The following PCDHGA2 variants were observed in gnomAD, a reference collection of about 807,000 sequenced individuals.
PCDHGA2 encodes protocadherin gamma subfamily A, 2, also known as protocadherin gamma-A2.
A neutral mutation model predicts 59.2 loss-of-function variants in PCDHGA2; 40 were observed. The ratio of observed to expected loss-of-function variants is 0.68; its 90% CI spans 0.52 to 0.88. The LOEUF (loss-of-function observed/expected upper bound fraction) is 0.88. Among genes scored for constraint, PCDHGA2 ranks in the 40% least tolerant of loss-of-function variants. The pLI is 0.00. For missense variants in PCDHGA2, 1,226 were observed against 1,204.0 expected, an observed-to-expected ratio of 1.02 and a Z score of -0.27; for synonymous variants, 560 against 526.0, an observed-to-expected ratio of 1.06 and a Z score of -0.89.
chr5:141,361,994 G>T, intron 1 of PCDHGA2: 6 of 1,602,934 alleles, frequency 3.7e-6, no homozygotes, highest in Non-Finnish European at 5.1e-6. Flanking sequence ...TTCAGCCTGG[G>T]GTTGCGCACG....
intron 1 of PCDHGA2, chr5:141,414,754 G>A: frequency 6.2e-7 from 1 of 1,614,190 alleles, no homozygotes; most frequent in Non-Finnish European, 8.5e-7. Flanking sequence ...CTTCGACTAT[G>A]AGCAGTTTCA....
At chr5:141,469,372 C>A (rs780872014) in intron 1 of PCDHGA2, among the ~76,000 whole-genome samples, 1 of 151,990 alleles carries the variant, frequency 6.6e-6, no homozygotes, top group East Asian at 1.9e-4. Context: ...GTAAAGAGAT[C>A]GAGACCATCC....
chr5:141,393,110 C>T, intron 1 of PCDHGA2: 10 of 1,613,496 alleles, frequency 6.2e-6, no homozygotes, highest in Non-Finnish European at 8.5e-6. Flanking sequence ...GCGCTCAGAG[C>T]CCGCGGTGTC....
intron 1 of PCDHGA2, chr5:141,397,974 C>T: frequency 1.7e-6 from 2 of 1,174,456 alleles, no homozygotes; most frequent in Non-Finnish European, 1.2e-6. Context: ...TCCCCAGCGC[C>T]GGCCTTTACA....
intron 1 of PCDHGA2, chr5:141,414,589 G>T: frequency 1.2e-6 from 2 of 1,613,834 alleles, no homozygotes; most frequent in African/African-American, 2.7e-5. Flanking sequence ...CAACGCCAGG[G>T]GTGCCTCCAT....
At chr5:141,364,382 A>G (rs745604333) in intron 1 of PCDHGA2, 3 of 1,582,176 alleles carry the variant, frequency 1.9e-6, no homozygotes, top group South Asian at 2.3e-5. Flanking sequence ...GCTGCCCTTC[A>G]TGCTCCTGGG....
rs567061101 is a variant in PCDHGA2 at position 141,432,791 on chromosome 5, C to T, written c.2425-62016C>T. The T allele has an allele frequency of 2.7e-5, 44 of 1,614,064 alleles. No homozygotes were observed. Among genetic ancestry groups the T allele is most frequent in the Admixed American group, 8.3e-5 (5 of 60,034 alleles). On this transcript the variant is annotated intron_variant, in intron 1 of 3. Coordinates refer to ENST00000394576, the MANE Select transcript of PCDHGA2 (RefSeq NM_018915.4). The surrounding 1 kb of genome is among the most constrained non-coding windows in gnomAD (Gnocchi z 6.0). ...CCAAGTCCTGGCGGACCTCGGCAGC[C>T]TCGAGTCTCCAGCTAACTCTGAAAC... is the stretch of plus-strand genomic sequence containing the variant.
intron 1 of PCDHGA2, among the ~76,000 whole-genome samples, chr5:141,348,137 A>C (rs1000544718): frequency 2.0e-5 from 3 of 152,268 alleles, no homozygotes; most frequent in Admixed American, 6.5e-5. Flanking sequence ...TCATGAAATC[A>C]TATGAGAGTT....
chr5:141,408,240 C>T (rs1012868761), intron 1 of PCDHGA2: 89 of 1,578,820 alleles, frequency 5.6e-5, no homozygotes, highest in Non-Finnish European at 7.3e-5. Context: ...CGGGCCGGCC[C>T]GCGGCAGGTG....
rs1187459113 is a variant in PCDHGA2 at position 141,487,187 on chromosome 5, G to A, written c.2425-7620G>A. On this transcript the variant is annotated intron_variant, in intron 1 of 3. Coordinates refer to ENST00000394576, the MANE Select transcript of PCDHGA2 (RefSeq NM_018915.4). This position sits in a 1 kb window ranked among gnomAD's most constrained non-coding sequence, Gnocchi z 5.0. The stretch of plus-strand genomic sequence containing the variant: ...GTCCTTAGAGGAAGACACTCATCCA[G>A]TTGTCCCAGATCTTCGAGAATCTTC... 1.2e-6 allele frequency: 2 copies of A among 1,613,826 alleles called. No homozygotes were observed. Among genetic ancestry groups the A allele is most frequent in the Admixed American group, 3.3e-5 (2 of 60,024 alleles).
In PCDHGA2 at chr5:141,418,608, GC is replaced by G. The variant is rs1422456031; in HGVS notation, c.2425-76197del. On this transcript the variant is annotated intron_variant, in intron 1 of 3. Transcript: ENST00000394576. Reference sequence around the variant, plus strand: ...TTCAGCCAGGACGTGTACAGGGTTAGCCTTCGGGAAGACGTGCCTCCAGGCA... The same window carrying G: ...TTCAGCCAGGACGTGTACAGGGTTAGCTTCGGGAAGACGTGCCTCCAGGCA... 4 of 1,613,922 alleles carry G rather than the reference GC, an allele frequency of 2.5e-6. No individual in the cohort carries two copies. In the African/African-American group the frequency reaches 5.3e-5, roughly 22 times the overall value.
At chr5:141,459,763 G>A (rs1243169814) in intron 1 of PCDHGA2, among the ~76,000 whole-genome samples, 1 of 152,206 alleles carries the variant, frequency 6.6e-6, no homozygotes, top group South Asian at 2.1e-4. Context: ...GTGGGTGTGT[G>A]ATACTATCTC....
At chr5:141,352,741 G>A in intron 1 of PCDHGA2, 1 of 1,473,692 alleles carries the variant, frequency 6.8e-7, no homozygotes. Flanking sequence ...TGTAATCCCA[G>A]CACTTAACCA....
At chr5:141,408,450 A>C in intron 1 of PCDHGA2, 1 of 1,613,944 alleles carries the variant, frequency 6.2e-7, no homozygotes, top group Non-Finnish European at 8.5e-7. Flanking sequence ...GAGAGCGGGG[A>C]CTTACTTGTG....
intron 1 of PCDHGA2, chr5:141,361,696 G>T: frequency 6.2e-7 from 1 of 1,613,466 alleles, no homozygotes. Flanking sequence ...GCGCGCCTTC[G>T]ATCATGAGCA....
intron 1 of PCDHGA2, chr5:141,398,604 T>A: frequency 6.2e-7 from 1 of 1,614,048 alleles, no homozygotes; most frequent in Non-Finnish European, 8.5e-7. Flanking sequence ...TAGCAGAAGA[T>A]GCAGATATTG....
chr5:141,471,124 A>C (rs2099250596), intron 1 of PCDHGA2, among the ~76,000 whole-genome samples: 1 of 141,916 alleles, frequency 7.0e-6, no homozygotes, highest in East Asian at 2.1e-4. Flanking sequence ...TCTTACCTTC[A>C]CTGCAACCTC....
intron 1 of PCDHGA2, chr5:141,385,365 G>C: frequency 6.5e-7 from 1 of 1,539,374 alleles, no homozygotes; most frequent in Non-Finnish European, 8.7e-7. Flanking sequence ...GAATTTATTT[G>C]CATGATATTT....
chr5:141,355,134 T>A (rs892801062), intron 1 of PCDHGA2: 1 of 1,523,362 alleles, frequency 6.6e-7, no homozygotes, highest in Non-Finnish European at 8.8e-7. Flanking sequence ...ACCCAGAAGA[T>A]CCTGGGGCTC....
Sources: allele counts gnomAD v4.1 joint callset (sites outside exome capture counted in the v4.1 genomes callset), GRCh38; gene constraint gnomAD v4.1.1; non-coding constraint Gnocchi (gnomAD v3.1); transcripts MANE v1.5; gene names NCBI Gene and HGNC (gene_info 2026-07-23, HGNC 2026-07-21).